Variants in IFI35 observed in about 807,000 individuals in gnomAD.
IFI35 encodes interferon-induced 35 kDa protein.
IFI35 carries 30 observed loss-of-function variants against 28.6 expected under a neutral mutation model. The ratio of observed to expected loss-of-function variants is 1.05; its 90% CI spans 0.79 to 1.43. The LOEUF (loss-of-function observed/expected upper bound fraction) is 1.43. IFI35 is among the 40% of genes most tolerant of loss of function. The probability of loss-of-function intolerance (pLI) is 0.00; values close to 1 mark genes in which losing one functional copy is unlikely to be tolerated. For synonymous variants in IFI35, 146 were observed against 154.8 expected (o/e 0.94, Z 0.42); for missense variants, 372 against 356.9 (o/e 1.04, Z -0.34).
In IFI35 at chr17:43,010,596, C is replaced by T. The variant is rs910695437; in HGVS notation, c.22-1583C>T. Among the ~76,000 whole-genome samples, 8 of 152,328 alleles carry T rather than the reference C, an allele frequency of 5.3e-5. No homozygotes were observed. In the East Asian group the frequency reaches 1.5e-3, roughly 29 times the overall value. On this transcript the variant is annotated intron_variant, in intron 1 of 6. Coordinates refer to ENST00000415816, the MANE Select transcript of IFI35 (RefSeq NM_001330230.2). The stretch of plus-strand genomic sequence containing the variant: ...CACTGTGTTAGCACTCTCTGAGTTA[C>T]AGAAATATGAATAACTAATGATCTT...
chr17:43,011,534 A>T (rs1368831431), intron 1 of IFI35, among the ~76,000 whole-genome samples: 1 of 152,092 alleles, frequency 6.6e-6, no homozygotes, highest in African/African-American at 2.4e-5. Context: ...TAAATAAATA[A>T]ATAAAAATTA....
chr17:43,010,366 C>T (rs1325733343), intron 1 of IFI35, among the ~76,000 whole-genome samples: 1 of 152,206 alleles, frequency 6.6e-6, no homozygotes, highest in Non-Finnish European at 1.5e-5. Context: ...GCACTCCAGC[C>T]TGGGTGGCAT....
At chr17:43,007,847 T>TATATATATATATATA (rs2050421792) in intron 1 of IFI35, among the ~76,000 whole-genome samples, 4 of 119,062 alleles carry the variant, frequency 3.4e-5, no homozygotes, top group African/African-American at 1.2e-4. Flanking sequence ...CACACAAAAT[T>TATATATATATATATA]TATATATATA....
chr17:43,013,926 G>A (rs1251572923), intron 6 of IFI35, 44 bp downstream of exon 6: 1 of 1,445,752 alleles, frequency 6.9e-7, no homozygotes. Context: ...TGGGTAACCT[G>A]TCTGCCTGCC....
intron 1 of IFI35, 174 bp from the exon 2 acceptor site, chr17:43,012,005 C>T (rs1453334819): frequency 4.5e-6 from 2 of 443,904 alleles, no homozygotes; most frequent in Admixed American, 3.8e-5. Flanking sequence ...GCCAGCCAAG[C>T]CCTGGGTGGA....
At chr17:43,010,262 G>A (rs2050446434) in intron 1 of IFI35, among the ~76,000 whole-genome samples, 2 of 151,726 alleles carry the variant, frequency 1.3e-5, no homozygotes, top group Admixed American at 6.6e-5. Flanking sequence ...AAAATAGCTG[G>A]CATGATGGCA....
In IFI35 at chr17:43,012,264, C is replaced by A; in HGVS notation, c.107C>A (p.Ser36Tyr). 3.2e-6 allele frequency: 5 copies of A among 1,569,710 alleles called. No homozygotes were observed. The highest frequency in any genetic ancestry group is 4.3e-6 in the Non-Finnish European group (5 of 1,156,766). The change falls in exon 2 of 7, where the codon TCC becomes TAC. Residue 36 changes from serine to tyrosine, a missense_variant. By Grantham distance (144) the Ser-to-Tyr change is moderately radical. Coordinates refer to ENST00000415816, the MANE Select transcript of IFI35 (RefSeq NM_001330230.2). ...CAGCTGAGAAAGGAGCTCGGGGACT[C>A]CCCCAAAGACAAGGTAAGGTGGGAG... The part of the protein sequence containing the change: ...LQQLRKELGD[S>Y]PKDKVPFSVP...
intron 6 of IFI35, 43 bp from the exon 7 acceptor site, chr17:43,014,065 C>A: frequency 6.3e-7 from 1 of 1,592,504 alleles, no homozygotes; most frequent in South Asian, 1.1e-5. Context: ...AGCCCCCAGC[C>A]CTTCTCCCAT....
Position 43,013,136 on chromosome 17 carries a change from G to A in IFI35, c.210G>A (p.Leu70=). ...PEVPKSLVSN[L]RIHCPLLAGS... is the part of the protein sequence containing the mutation. ...TGCCTAAGTCTTTAGTTTCCAATTT[G>A]CGGATCCACTGCCCTCTGCTTGCGG... The change falls in exon 3 of 7, where the codon TTG becomes TTA. Residue 70 remains leucine (L), a synonymous_variant. Transcript: ENST00000415816. The A allele has an allele frequency of 6.2e-7, 1 of 1,614,010 alleles. No individual in the cohort carries two copies.
intron 1 of IFI35, among the ~76,000 whole-genome samples, chr17:43,010,822 A>G (rs538868436): frequency 6.6e-6 from 1 of 152,358 alleles, no homozygotes; most frequent in South Asian, 2.1e-4. Context: ...CAAGGAATAC[A>G]GAGATGGTCA....
rs140488187 is a variant in IFI35 at position 43,013,611 on chromosome 17, G to T, written c.511G>T (p.Val171Phe). 1.9e-6 allele frequency: 3 copies of T among 1,614,176 alleles called. No homozygotes were observed. The highest frequency in any genetic ancestry group is 2.5e-6 in the Non-Finnish European group (3 of 1,180,010). ...TAGGAACGGAGGTGGCGATGTGGACGTTCGGGAGCTACTGCCAGGGAGTGT... is the reference window on the plus strand; with the variant it reads ...TAGGAACGGAGGTGGCGATGTGGACTTTCGGGAGCTACTGCCAGGGAGTGT... Reference protein sequence around the residue: ...KTRNGGGDVDVRELLPGSVML... With the variant: ...KTRNGGGDVDFRELLPGSVML... Residue 171 changes from valine to phenylalanine, a missense_variant, in exon 5 of 7, where the codon GTT (valine) becomes TTT (phenylalanine). Physicochemically the swap from Val to Phe is conservative, Grantham distance 50. Transcript: ENST00000415816.
chr17:43,011,883 A>G (rs940747147), intron 1 of IFI35, among the ~76,000 whole-genome samples: 2 of 152,130 alleles, frequency 1.3e-5, no homozygotes, highest in Admixed American at 1.3e-4. Context: ...GTCAGTGCCG[A>G]GCACTTTCTA....
Position 43,014,394 on chromosome 17 carries a change from C to G in IFI35, c.*95C>G. The G allele has an allele frequency of 1.2e-6, 1 of 810,528 alleles. No individual in the cohort carries two copies. The highest frequency in any genetic ancestry group is 2.8e-5 in the East Asian group (1 of 35,816). 50.2% of individuals were successfully genotyped at this position (810,528 alleles called of 1,614,324 possible). A position where few individuals can be genotyped will look rare whatever the true frequency, so the allele number is the denominator to read the frequency against. Reference sequence around the variant, plus strand: ...TATAGGAGGTCTGTATGTTCACCAACAGTGCGGAGGGGTCACACATTGCAA... The same window carrying G: ...TATAGGAGGTCTGTATGTTCACCAAGAGTGCGGAGGGGTCACACATTGCAA... On this transcript the variant is annotated 3_prime_UTR_variant, in exon 7 of 7. Coordinates refer to ENST00000415816, the MANE Select transcript of IFI35 (RefSeq NM_001330230.2).
At chr17:43,010,921 C>T (rs761557756) in intron 1 of IFI35, among the ~76,000 whole-genome samples, 1 of 152,186 alleles carries the variant, frequency 6.6e-6, no homozygotes, top group African/African-American at 2.4e-5. Flanking sequence ...GAACTCTGCT[C>T]TATTCCACAA....
chr17:43,009,207 C>T (rs1324151242), intron 1 of IFI35, among the ~76,000 whole-genome samples: 3 of 151,806 alleles, frequency 2.0e-5, no homozygotes, highest in Non-Finnish European at 4.4e-5. Flanking sequence ...TCCTGTTGCC[C>T]AGGCTGGTCT....
Position 43,012,878 on chromosome 17 carries a change from T to G in IFI35, c.121-169T>G, listed in dbSNP as rs1022220316. 7 of 708,812 alleles carry G rather than the reference T, an allele frequency of 9.9e-6. No individual in the cohort carries two copies. In the African/African-American group the frequency reaches 1.2e-4, roughly 13 times the overall value. The allele number at this position is 708,812 out of a possible 1,614,324, so 43.9% of individuals were successfully genotyped here. A position where few individuals can be genotyped will look rare whatever the true frequency, so the allele number is the denominator to read the frequency against. ...TCCCAGGACAAATTAAGATGTTGTATGTAAATTGCCCTGTATGGACCAGAC... is the reference window on the plus strand; with the variant it reads ...TCCCAGGACAAATTAAGATGTTGTAGGTAAATTGCCCTGTATGGACCAGAC... On this transcript the variant is annotated intron_variant, in intron 2 of 6. Transcript: ENST00000415816.
At chr17:43,013,004 G>T (rs758778714) in intron 2 of IFI35, 43 bp from the exon 3 acceptor site, 5 of 1,591,518 alleles carry the variant, frequency 3.1e-6, no homozygotes, top group Non-Finnish European at 4.3e-6. Context: ...CTTCCTCCTA[G>T]GTGGGAGTGA....
chr17:43,013,760 TC>T lies in IFI35; in HGVS notation c.563-14del, dbSNP rs761822573. The T allele has an allele frequency of 6.8e-6, 11 of 1,612,702 alleles. No homozygotes were observed. In the Admixed American group the frequency reaches 1.8e-4, roughly 27 times the overall value. On this transcript the variant is annotated splice_polypyrimidine_tract_variant and intron_variant, in intron 5 of 6. Coordinates refer to ENST00000415816, the MANE Select transcript of IFI35 (RefSeq NM_001330230.2). ...GGGCTTGATGCTAAAGGCCCACCCC[TC>T]CTTGCTCCCCACAGTGGCTCAGCGT...
chr17:43,014,325 C>G lies in IFI35; in HGVS notation c.*26C>G. The G allele has an allele frequency of 6.8e-7, 1 of 1,474,524 alleles. No homozygotes were observed. The highest frequency in any genetic ancestry group is 9.1e-7 in the Non-Finnish European group (1 of 1,100,270). The allele number at this position is 1,474,524 out of a possible 1,614,324, so 91.3% of individuals were successfully genotyped here. A position where few individuals can be genotyped will look rare whatever the true frequency, so the allele number is the denominator to read the frequency against. On this transcript the variant is annotated 3_prime_UTR_variant, in exon 7 of 7. Transcript: ENST00000415816. ...GGGCCTCCCCTTCTCATCCTCCCCACCCCCCCGCCAAGGTTCTCACACTGG... is the reference window on the plus strand; with the variant it reads ...GGGCCTCCCCTTCTCATCCTCCCCAGCCCCCCGCCAAGGTTCTCACACTGG...
Sources: gnomAD v4.1 joint callset for allele counts (sites outside exome capture counted in the v4.1 genomes callset) on GRCh38, gnomAD v4.1.1 for gene constraint, MANE v1.5 for transcripts, NCBI Gene and HGNC (gene_info 2026-07-23, HGNC 2026-07-21) for gene names.